The following FBXL20 variants were observed in gnomAD, a reference collection of about 807,000 sequenced individuals.
The protein encoded by FBXL20 is F-box/LRR-repeat protein 20.
In FBXL20, 11 loss-of-function variants were observed where a neutral mutation model predicts 64.0. The ratio of observed to expected loss-of-function variants is 0.17; its 90% CI spans 0.11 to 0.28. FBXL20 has a LOEUF of 0.28. FBXL20 is among the 10% of genes least tolerant of loss of function. FBXL20 has a pLI of 1.00. For missense variants in FBXL20, 303 were observed against 526.2 expected (o/e 0.58, Z 4.15); for synonymous variants, 184 against 189.0 (o/e 0.97, Z 0.22).
At chr17:39,401,838 G>C, upstream of FBXL20, 1 of 484,666 alleles carries the variant, frequency 2.1e-6, no homozygotes, top group Non-Finnish European at 2.9e-6. Flanking sequence ...GCGGCGGCAC[G>C]ACCCCCTGCG....
At chr17:39,316,120 G>A (rs1372690741) in intron 2 of FBXL20, among the ~76,000 whole-genome samples, 3 of 152,056 alleles carry the variant, frequency 2.0e-5, no homozygotes, top group African/African-American at 4.8e-5. Context: ...CAGAAGTTAG[G>A]TTTCTGTTAC....
rs189170478 is a variant in FBXL20 at position 39,321,512 on chromosome 17, T to G, written c.105-17873A>C. Among the ~76,000 whole-genome samples the G allele has an allele frequency of 8.0e-3, 1,182 of 147,106 alleles. 15 individuals are homozygous for G. Among genetic ancestry groups the G allele is most frequent in the African/African-American group, 0.029 (1,137 of 39,698 alleles). ...TCAGTCTAGGGCCAGGCACGGTGAC[T>G]CATGCCTGTAATCCCAACATTCTGG... is the stretch of plus-strand genomic sequence containing the variant. On this transcript the variant is annotated intron_variant, in intron 2 of 14. Coordinates refer to ENST00000264658, the MANE Select transcript of FBXL20 (RefSeq NM_032875.3).
At chr17:39,380,160 G>A (rs1737203180) in intron 1 of FBXL20, among the ~76,000 whole-genome samples, 1 of 151,844 alleles carries the variant, frequency 6.6e-6, no homozygotes, top group Non-Finnish European at 1.5e-5. Flanking sequence ...CACAAAACAA[G>A]AGTGATACTC....
intron 1 of FBXL20, among the ~76,000 whole-genome samples, chr17:39,357,612 A>C (rs1336746823): frequency 6.6e-6 from 1 of 152,166 alleles, no homozygotes; most frequent in Non-Finnish European, 1.5e-5. Flanking sequence ...GGTGGCACAA[A>C]CATAGCTCAC....
intron 1 of FBXL20, among the ~76,000 whole-genome samples, chr17:39,398,865 G>A (rs929803187): frequency 2.6e-5 from 4 of 152,056 alleles, no homozygotes; most frequent in East Asian, 3.9e-4. Context: ...AGTAGAGACC[G>A]GGTTTCACCA....
At chr17:39,308,618 G>A (rs1386200304) in intron 2 of FBXL20, among the ~76,000 whole-genome samples, 1 of 149,656 alleles carries the variant, frequency 6.7e-6, no homozygotes. Context: ...AGGCTGGAGT[G>A]CAGTGGCACA....
chr17:39,393,912 A>G (rs897411827), intron 1 of FBXL20, among the ~76,000 whole-genome samples: 3 of 152,224 alleles, frequency 2.0e-5, no homozygotes, highest in African/African-American at 7.2e-5. Context: ...CACAAATACT[A>G]TTGCACAGTT....
At chr17:39,274,195 C>T (rs2046871259) in intron 10 of FBXL20, among the ~76,000 whole-genome samples, 1 of 152,142 alleles carries the variant, frequency 6.6e-6, no homozygotes, top group Non-Finnish European at 1.5e-5. Flanking sequence ...ATTTGTAAAG[C>T]ACCTAAAGCA....
At chr17:39,324,669 C>A (rs933875416) in intron 2 of FBXL20, among the ~76,000 whole-genome samples, 47 of 152,050 alleles carry the variant, frequency 3.1e-4, no homozygotes, top group African/African-American at 1.0e-3. Flanking sequence ...TTTGGCAATT[C>A]ATTTTTTTTT....
chr17:39,283,186 G>A (rs2046962190), intron 7 of FBXL20, among the ~76,000 whole-genome samples: 2 of 152,130 alleles, frequency 1.3e-5, no homozygotes, highest in African/African-American at 4.8e-5. Context: ...AGTTTACAGA[G>A]TAATTAATAA....
At chr17:39,266,283 G>A (rs1010303256) in intron 12 of FBXL20, among the ~76,000 whole-genome samples, 22 of 150,256 alleles carry the variant, frequency 1.5e-4, no homozygotes, top group Non-Finnish European at 2.4e-4. Context: ...GTGGTGGCAC[G>A]ATCTCAGCTC....
At chr17:39,380,176 G>A (rs1055243844) in intron 1 of FBXL20, among the ~76,000 whole-genome samples, 2 of 152,064 alleles carry the variant, frequency 1.3e-5, no homozygotes, top group Admixed American at 6.6e-5. Flanking sequence ...TACTCAATAT[G>A]AGTTATATCA....
intron 1 of FBXL20, among the ~76,000 whole-genome samples, chr17:39,343,601 T>G (rs572364075): frequency 6.6e-6 from 1 of 152,164 alleles, no homozygotes; most frequent in East Asian, 1.9e-4. Flanking sequence ...GCGCAGCAAC[T>G]CACACTTGTA....
intron 2 of FBXL20, among the ~76,000 whole-genome samples, chr17:39,341,436 TCA>T (rs2082237708): frequency 1.3e-5 from 2 of 152,270 alleles, no homozygotes; most frequent in Non-Finnish European, 2.9e-5. Context: ...GAGAAAACAG[TCA>T]CATATCTTCT....
intron 2 of FBXL20, 118 bp downstream of exon 2, chr17:39,343,062 T>A: frequency 1.8e-6 from 1 of 570,470 alleles, no homozygotes; most frequent in African/African-American, 1.9e-5. Context: ...CAATCAAATT[T>A]AAAAATTCAG....
intron 1 of FBXL20, among the ~76,000 whole-genome samples, chr17:39,372,517 A>C (rs1429185880): frequency 4.6e-5 from 3 of 64,558 alleles, no homozygotes; most frequent in Non-Finnish European, 8.2e-5. Context: ...GACTCTGACC[A>C]AAAAAAAAAA....
intron 2 of FBXL20, among the ~76,000 whole-genome samples, chr17:39,337,224 G>A (rs1309852645): frequency 2.0e-5 from 3 of 152,230 alleles, no homozygotes; most frequent in African/African-American, 7.2e-5. Flanking sequence ...CTAACCACGA[G>A]TGATCCGCCA....
intron 2 of FBXL20, among the ~76,000 whole-genome samples, chr17:39,325,850 A>AT (rs2047403667): frequency 6.6e-6 from 1 of 152,172 alleles, no homozygotes. Context: ...AATACACTGA[A>AT]TAAGGATAAG....
At chr17:39,307,870 C>T (rs1004375181) in intron 2 of FBXL20, among the ~76,000 whole-genome samples, 1 of 150,864 alleles carries the variant, frequency 6.6e-6, no homozygotes, top group Non-Finnish European at 1.5e-5. Context: ...ACTTGGGAGG[C>T]TGAGGCAGGA....
Sources: allele counts gnomAD v4.1 joint callset (sites outside exome capture counted in the v4.1 genomes callset), GRCh38; gene constraint gnomAD v4.1.1; transcripts MANE v1.5; gene names NCBI Gene and HGNC (gene_info 2026-07-23, HGNC 2026-07-21).